GPC5: variants seen among roughly 807,000 people sequenced by gnomAD.
GPC5 encodes the protein glypican 5, also known as glypican-5.
Under a neutral mutation model 53.9 loss-of-function variants are expected in GPC5, and 47 were observed. That is an observed-to-expected ratio of 0.87 (90% CI 0.69 to 1.11). The LOEUF is 1.11. GPC5 is among the 50% of genes most tolerant of loss of function. The probability of loss-of-function intolerance (pLI) is 0.00; values close to 1 mark genes in which losing one functional copy is unlikely to be tolerated. For synonymous variants in GPC5, 286 were observed against 263.3 expected (o/e 1.09, Z -0.84); for missense variants, 748 against 713.1 (o/e 1.05, Z -0.56).
intron 5 of GPC5, among the ~76,000 whole-genome samples, chr13:91,784,286 C>T (rs976426002): frequency 2.6e-5 from 4 of 152,014 alleles, no homozygotes; most frequent in Non-Finnish European, 5.9e-5. Context: ...AAATTTGTAT[C>T]AAAAGAATTA....
intron 5 of GPC5, among the ~76,000 whole-genome samples, chr13:91,783,595 G>A (rs1340294604): frequency 4.0e-5 from 6 of 151,850 alleles, no homozygotes; most frequent in Non-Finnish European, 7.4e-5. Context: ...CACCATGCCC[G>A]GCTAATTTTT....
chr13:92,556,858 G>A (rs1882511664), intron 7 of GPC5, among the ~76,000 whole-genome samples: 2 of 151,780 alleles, frequency 1.3e-5, no homozygotes, highest in African/African-American at 4.8e-5. Flanking sequence ...CTGCTCTTTT[G>A]AATGTGCTGA....
chr13:92,543,905 C>T (rs1218541188), intron 7 of GPC5, among the ~76,000 whole-genome samples: 2 of 151,834 alleles, frequency 1.3e-5, no homozygotes, highest in East Asian at 1.9e-4. Flanking sequence ...ACAAGATTCT[C>T]CAGTTTCAGA....
chr13:92,293,390 T>C (rs2043011202), intron 7 of GPC5, among the ~76,000 whole-genome samples: 1 of 151,218 alleles, frequency 6.6e-6, no homozygotes, highest in South Asian at 2.1e-4. Context: ...CCTCTTTGGT[T>C]AGGTATACTC....
intron 6 of GPC5, among the ~76,000 whole-genome samples, chr13:92,051,982 A>G (rs775682155): frequency 9.9e-5 from 15 of 152,236 alleles, no homozygotes; most frequent in Non-Finnish European, 1.8e-4. Flanking sequence ...AATAAAGTGC[A>G]AATGATCAAT....
chr13:92,504,720 T>TGAC (rs553157233), intron 7 of GPC5, among the ~76,000 whole-genome samples: 499 of 151,932 alleles, frequency 3.3e-3, no homozygotes, highest in Non-Finnish European at 5.4e-3. Context: ...GCAAAGGCAA[T>TGAC]GACAATAGAG....
chr13:92,251,646 T>A (rs2042693504), intron 7 of GPC5, among the ~76,000 whole-genome samples: 1 of 152,140 alleles, frequency 6.6e-6, no homozygotes, highest in African/African-American at 2.4e-5. Context: ...ATGTATGTAG[T>A]ATCACAGCAC....
At chr13:92,277,769 A>T (rs901141886) in intron 7 of GPC5, among the ~76,000 whole-genome samples, 1 of 151,944 alleles carries the variant, frequency 6.6e-6, no homozygotes, top group Non-Finnish European at 1.5e-5. Context: ...TCTCTAGTAG[A>T]AACAAGTTCT....
At chr13:92,248,925 G>C (rs2042672644) in intron 7 of GPC5, among the ~76,000 whole-genome samples, 1 of 151,904 alleles carries the variant, frequency 6.6e-6, no homozygotes, top group Admixed American at 6.6e-5. Context: ...TGGTCTCCTA[G>C]GCAGCAATGT....
chr13:92,206,501 TTTA>T (rs1477118825), intron 7 of GPC5, among the ~76,000 whole-genome samples: 23 of 152,020 alleles, frequency 1.5e-4, no homozygotes, highest in Non-Finnish European at 3.2e-4. Flanking sequence ...GCCATGTATT[TTTA>T]TGTTTTGTTC....
chr13:92,453,206 A>T (rs557872624), intron 7 of GPC5, among the ~76,000 whole-genome samples: 1 of 152,240 alleles, frequency 6.6e-6, no homozygotes, highest in Non-Finnish European at 1.5e-5. Flanking sequence ...ACTATTGCTC[A>T]TTCTAATTTT....
At chr13:92,127,106 G>C (rs1352385842) in intron 6 of GPC5, among the ~76,000 whole-genome samples, 1 of 151,880 alleles carries the variant, frequency 6.6e-6, no homozygotes, top group East Asian at 1.9e-4. Context: ...TATAATGGAA[G>C]GGGGGGTGAT....
At chr13:91,405,726 C>T (rs990844665) in intron 1 of GPC5, among the ~76,000 whole-genome samples, 1 of 152,164 alleles carries the variant, frequency 6.6e-6, no homozygotes, top group Non-Finnish European at 1.5e-5. Flanking sequence ...GGATCCTACA[C>T]TCCAATGAAC....
At chr13:92,055,312 C>A (rs2041065610) in intron 6 of GPC5, among the ~76,000 whole-genome samples, 1 of 152,100 alleles carries the variant, frequency 6.6e-6, no homozygotes, top group African/African-American at 2.4e-5. Context: ...TTGAAATGAG[C>A]TCTAGTCCCA....
chr13:92,385,415 TATATAC>T lies in GPC5; in HGVS notation c.1561+240432_1561+240437del, dbSNP rs1367263733. Among the ~76,000 whole-genome samples, 4 of 21,644 alleles carry T rather than the reference TATATAC, an allele frequency of 1.8e-4. 1 individual carries two copies. The highest frequency in any genetic ancestry group is 2.8e-4 in the Non-Finnish European group (2 of 7,122). The allele number at this position is 21,644 out of a possible 152,430, so 14.2% of individuals were successfully genotyped here. ...ACATATATACACATATATACACATA[TATATAC>T]ATATATACATATATACATATATACA... is the stretch of plus-strand genomic sequence containing the variant. On this transcript the variant is annotated intron_variant, in intron 7 of 7. Transcript: ENST00000377067.
chr13:92,405,996 TATAG>T (rs1566577055), intron 7 of GPC5, among the ~76,000 whole-genome samples: 3 of 152,200 alleles, frequency 2.0e-5, no homozygotes, highest in Admixed American at 1.3e-4. Flanking sequence ...GACATATTTA[TATAG>T]ATTATGACTA....
intron 5 of GPC5, among the ~76,000 whole-genome samples, chr13:91,897,296 C>CT (rs955628483): frequency 1.3e-5 from 2 of 150,626 alleles, no homozygotes; most frequent in African/African-American, 4.9e-5. Flanking sequence ...AGGAACACAG[C>CT]TTTTTTGCTA....
chr13:92,378,612 C>T (rs983914953), intron 7 of GPC5, among the ~76,000 whole-genome samples: 6 of 151,996 alleles, frequency 3.9e-5, no homozygotes, highest in African/African-American at 7.2e-5. Flanking sequence ...TTCTTAGTAC[C>T]GTTACCTAAT....
intron 7 of GPC5, among the ~76,000 whole-genome samples, chr13:92,712,144 C>G (rs1370804053): frequency 6.6e-6 from 1 of 151,212 alleles, no homozygotes; most frequent in Non-Finnish European, 1.5e-5. Flanking sequence ...ACTAGTGAGA[C>G]TGACAAAAAA....
Sources: allele counts gnomAD v4.1 joint callset (sites outside exome capture counted in the v4.1 genomes callset), GRCh38; gene constraint gnomAD v4.1.1; transcripts MANE v1.5; gene names NCBI Gene and HGNC (gene_info 2026-07-23, HGNC 2026-07-21).